The following UBP1 variants were observed in gnomAD, a reference collection of about 807,000 sequenced individuals.
The protein encoded by UBP1 is upstream-binding protein 1.
UBP1 carries 22 observed loss-of-function variants against 76.1 expected under a neutral mutation model. The observed-to-expected ratio is 0.29, with a 90% CI of 0.21 to 0.41. UBP1 has a LOEUF of 0.41. Among genes scored for constraint, UBP1 ranks in the 10% least tolerant of loss-of-function variants. The pLI is 1.00. For synonymous variants in UBP1, 224 were observed against 237.1 expected, an observed-to-expected ratio of 0.94 and a Z score of 0.51; for missense variants, 436 against 668.1, an observed-to-expected ratio of 0.65 and a Z score of 3.83.
intron 2 of UBP1, among the ~76,000 whole-genome samples, chr3:33,422,327 G>A (rs1445102939): frequency 6.6e-6 from 1 of 151,970 alleles, no homozygotes; most frequent in Non-Finnish European, 1.5e-5. Context: ...GACTGCTTGA[G>A]CCCAGGAGTA....
intron 1 of UBP1, among the ~76,000 whole-genome samples, chr3:33,434,304 T>TA (rs373747298): frequency 6.9e-6 from 1 of 144,646 alleles, no homozygotes; most frequent in African/African-American, 2.6e-5. Context: ...TTTTTTTTTT[T>TA]TTTTTTTTTT....
At position 33,426,378 on chromosome 3, in the gene UBP1, G is replaced by A. The variant is rs182884946; in HGVS notation, c.114-637C>T. Among the ~76,000 whole-genome samples, 788 of 152,192 alleles carry A rather than the reference G, an allele frequency of 5.2e-3. 4 individuals carry two copies. The highest frequency in any genetic ancestry group is 0.02 in the Middle Eastern group (6 of 294). On this transcript the variant is annotated intron_variant, in intron 1 of 15. Coordinates refer to ENST00000283629, the MANE Select transcript of UBP1 (RefSeq NM_014517.5). The stretch of plus-strand genomic sequence containing the variant: ...CTGGGGCACTGATTGGGAGAATGAT[G>A]AGGGGTCTTCTGGGACACTGTTTTT...
At chr3:33,431,162 A>C (rs1361685561) in intron 1 of UBP1, among the ~76,000 whole-genome samples, 2 of 152,136 alleles carry the variant, frequency 1.3e-5, no homozygotes, top group African/African-American at 2.4e-5. Context: ...GAATTAGGAG[A>C]CTGGAATGCT....
intron 12 of UBP1, 139 bp downstream of exon 12, chr3:33,396,906 T>C (rs1181410581): frequency 1.2e-6 from 1 of 800,946 alleles, no homozygotes; most frequent in East Asian, 2.7e-5. Flanking sequence ...ACAGTCTTCT[T>C]GTGAGCACAA....
chr3:33,413,356 G>C (rs1374933324), intron 3 of UBP1, among the ~76,000 whole-genome samples: 1 of 151,372 alleles, frequency 6.6e-6, no homozygotes, highest in Non-Finnish European at 1.5e-5. Flanking sequence ...GACCATCCTG[G>C]CTAACACGGT....
chr3:33,427,735 T>G (rs1009093752), intron 1 of UBP1, among the ~76,000 whole-genome samples: 4 of 152,198 alleles, frequency 2.6e-5, no homozygotes, highest in Non-Finnish European at 5.9e-5. Context: ...CCTCTCTTAT[T>G]TATACCCAGG....
intron 2 of UBP1, among the ~76,000 whole-genome samples, chr3:33,424,067 A>C (rs2044967241): frequency 6.6e-6 from 1 of 152,234 alleles, no homozygotes. Flanking sequence ...AGTAAGGAAA[A>C]TTCAGGTTAT....
intron 3 of UBP1, among the ~76,000 whole-genome samples, chr3:33,416,335 C>T (rs1409675601): frequency 6.6e-6 from 1 of 152,106 alleles, no homozygotes; most frequent in Non-Finnish European, 1.5e-5. Context: ...GCTATGCCTC[C>T]TATACCTAGG....
chr3:33,439,620 C>T (rs1188674606), intron 1 of UBP1, 116 bp downstream of exon 1: 2 of 1,153,050 alleles, frequency 1.7e-6, no homozygotes, highest in East Asian at 5.5e-5. Context: ...GACTCCGACC[C>T]CGCAGCCCAG....
chr3:33,405,756 G>A (rs2154056808), intron 8 of UBP1, among the ~76,000 whole-genome samples: 1 of 152,200 alleles, frequency 6.6e-6, no homozygotes, highest in Admixed American at 6.5e-5. Context: ...GCAAGACACT[G>A]TCTCTAAAAA....
At chr3:33,415,884 C>G (rs1441195680) in intron 3 of UBP1, 2 of 152,166 alleles carry the variant, frequency 1.3e-5, no homozygotes, top group African/African-American at 4.8e-5. Context: ...CCTAAGTAAC[C>G]TTCCAGGTGC....
chr3:33,393,426 C>A lies in UBP1; in HGVS notation c.1419G>T (p.Met473Ile). 1 of 1,609,278 alleles carries A rather than the reference C, an allele frequency of 6.2e-7. No individual in the cohort carries two copies. The highest frequency in any genetic ancestry group is 8.5e-7 in the Non-Finnish European group (1 of 1,178,246). Residue 473 changes from methionine (M) to isoleucine (I), a missense_variant, in exon 14 of 16, where the codon ATG (methionine) becomes ATT (isoleucine). Physicochemically the swap from Met to Ile is conservative, Grantham distance 10. Transcript: ENST00000283629. ...GTTTTCGAGCAACTTCTGAGGCAAT[C>A]ATTTCTTCCAAGTAGATTGCATGAT... ...YVYHAIYLEE[M>I]IASEVARKLA...
At chr3:33,428,907 C>G (rs921327458) in intron 1 of UBP1, among the ~76,000 whole-genome samples, 1 of 151,660 alleles carries the variant, frequency 6.6e-6, no homozygotes, top group Non-Finnish European at 1.5e-5. Context: ...CCTGATTCTA[C>G]TCTTCTACTG....
intron 1 of UBP1, among the ~76,000 whole-genome samples, chr3:33,429,115 G>A (rs569661351): frequency 1.3e-5 from 2 of 152,302 alleles, no homozygotes; most frequent in African/African-American, 4.8e-5. Flanking sequence ...TTCAATGACT[G>A]ATGCCAGCAT....
chr3:33,412,581 C>CA (rs35702863), intron 4 of UBP1, 141 bp downstream of exon 4: 15,257 of 499,064 alleles, frequency 0.031, no homozygotes, highest in Non-Finnish European at 0.037. Context: ...GGCTCTGTCT[C>CA]AAAAAAAAAA....
At position 33,413,788 on chromosome 3, in the gene UBP1, C is replaced by G. The variant is rs926350578; in HGVS notation, c.343-961G>C. Among the ~76,000 whole-genome samples, 3 of 152,108 alleles carry G rather than the reference C, an allele frequency of 2.0e-5. No individual in the cohort carries two copies. The East Asian group carries it at 5.8e-4, about 29-fold the overall frequency. Reference sequence around the variant, plus strand: ...CCATCTTCCTTACCTGCACCCACACCTGCAGGGCCTGTCCAAGCAATTACC... The same window carrying G: ...CCATCTTCCTTACCTGCACCCACACGTGCAGGGCCTGTCCAAGCAATTACC... On this transcript the variant is annotated intron_variant, in intron 3 of 15. Coordinates refer to ENST00000283629, the MANE Select transcript of UBP1 (RefSeq NM_014517.5).
intron 5 of UBP1, among the ~76,000 whole-genome samples, chr3:33,410,238 A>ATCTCC (rs2044545466): frequency 1.3e-5 from 2 of 152,204 alleles, no homozygotes; most frequent in African/African-American, 2.4e-5. Context: ...CCCACCCTGG[A>ATCTCC]TGACAGCCTT....
At position 33,413,303 on chromosome 3, in the gene UBP1, T is replaced by C. The variant is rs1254190499; in HGVS notation, c.343-476A>G. On this transcript the variant is annotated intron_variant, in intron 3 of 15. Coordinates refer to ENST00000283629, the MANE Select transcript of UBP1 (RefSeq NM_014517.5). Reference sequence around the variant, plus strand: ...GGCTCACACCTGTAATCCCAGCACTTTGGGAGGCTGAGGTGGGAGGATCAC... The same window carrying C: ...GGCTCACACCTGTAATCCCAGCACTCTGGGAGGCTGAGGTGGGAGGATCAC... 4.0e-5 allele frequency among the ~76,000 whole-genome samples: 6 copies of C among 148,218 alleles called. No homozygotes were observed. The Admixed American group carries it at 4.1e-4, about 10-fold the overall frequency.
chr3:33,400,035 A>G (rs1306416072), intron 11 of UBP1, among the ~76,000 whole-genome samples, 154 bp downstream of exon 11: 1 of 152,210 alleles, frequency 6.6e-6, no homozygotes, highest in Admixed American at 6.5e-5. Context: ...AGATATTCCT[A>G]TTGGGGGATA....
Sources: gnomAD v4.1 joint callset for allele counts (sites outside exome capture counted in the v4.1 genomes callset) on GRCh38, gnomAD v4.1.1 for gene constraint, MANE v1.5 for transcripts, NCBI Gene and HGNC (gene_info 2026-07-23, HGNC 2026-07-21) for gene names.